TP63: variants seen among roughly 807,000 people sequenced by gnomAD.
TP63 encodes tumor protein 63.
A neutral mutation model predicts 82.8 loss-of-function variants in TP63; 17 were observed. The ratio of observed to expected loss-of-function variants is 0.21; its 90% CI spans 0.14 to 0.31. The LOEUF is 0.31. TP63 is among the 10% of genes least tolerant of loss of function. The pLI is 1.00. For missense variants in TP63, 648 were observed against 895.3 expected, an observed-to-expected ratio of 0.72 and a Z score of 3.52; for synonymous variants, 330 against 321.7, an observed-to-expected ratio of 1.03 and a Z score of -0.28.
chr3:189,890,907 A>C, intron 13 of TP63, 25 bp downstream of exon 13: 18 of 1,601,446 alleles, frequency 1.1e-5, no homozygotes, highest in Non-Finnish European at 1.5e-5. Flanking sequence ...GACTTTTCTC[A>C]AATTTTATTT....
intron 3 of TP63, among the ~76,000 whole-genome samples, chr3:189,806,227 A>G (rs1359202782): frequency 6.6e-6 from 1 of 151,506 alleles, no homozygotes; most frequent in East Asian, 1.9e-4. Context: ...ATCCAAGCCC[A>G]CAATTAGTTA....
chr3:189,707,553 G>A (rs1718295680), intron 1 of TP63, among the ~76,000 whole-genome samples: 1 of 152,026 alleles, frequency 6.6e-6, no homozygotes. Context: ...CAGAGGATAA[G>A]GATATATTTA....
intron 10 of TP63, 139 bp downstream of exon 10, chr3:189,873,134 AAC>A: frequency 7.4e-7 from 1 of 1,355,788 alleles, no homozygotes; most frequent in South Asian, 1.2e-5. Flanking sequence ...CTGGTATGGC[AAC>A]CCTCTTTCAG....
At chr3:189,798,557 T>C (rs1350449274) in intron 3 of TP63, among the ~76,000 whole-genome samples, 3 of 152,132 alleles carry the variant, frequency 2.0e-5, no homozygotes, top group African/African-American at 7.2e-5. Context: ...TAAAAGTGTT[T>C]ACCTGTGTCT....
chr3:189,742,891 G>A (rs1283555467), intron 3 of TP63, among the ~76,000 whole-genome samples: 1 of 152,222 alleles, frequency 6.6e-6, no homozygotes, highest in East Asian at 1.9e-4. Context: ...TGCAGAGAAG[G>A]TAATTTTTTT....
At chr3:189,618,417 A>G in the TP63 span, among the ~76,000 whole-genome samples, 2 of 152,036 alleles carry the variant, frequency 1.3e-5, no homozygotes, top group Non-Finnish European at 2.9e-5. Flanking sequence ...CTGCCACCTT[A>G]TTCTTCCTCT....
chr3:189,860,413 CT>C (rs914038994), intron 4 of TP63, among the ~76,000 whole-genome samples: 1 of 152,000 alleles, frequency 6.6e-6, no homozygotes, highest in African/African-American at 2.4e-5. Context: ...GTGGGCAAGT[CT>C]AAGGACTTGT....
intron 4 of TP63, among the ~76,000 whole-genome samples, chr3:189,831,664 G>A (rs1712357616): frequency 6.6e-6 from 1 of 151,398 alleles, no homozygotes; most frequent in Non-Finnish European, 1.5e-5. Flanking sequence ...CACCGTTTGA[G>A]CTCCTACCCT....
intron 3 of TP63, chr3:189,789,736 G>C (rs1333300460): frequency 3.2e-6 from 5 of 1,542,662 alleles, no homozygotes; most frequent in African/African-American, 1.4e-5. Context: ...TCTCGGGGTG[G>C]GGGGGTTGGC....
Position 189,852,923 on chromosome 3 carries a change from A to G in TP63, c.580-11309A>G, listed in dbSNP as rs145482249. On this transcript the variant is annotated intron_variant, in intron 4 of 13. Transcript: ENST00000264731. ...CTTTTACTGATGATATTCTGTCTTC[A>G]TGGAAAGCCTACTGTTGTCTCCTGG... 5.2e-3 allele frequency among the ~76,000 whole-genome samples: 785 copies of G among 152,284 alleles called. 9 individuals carry two copies. Among genetic ancestry groups the G allele is most frequent in the African/African-American group, 0.017 (725 of 41,544 alleles).
chr3:189,824,811 C>G (rs890351279), intron 4 of TP63, among the ~76,000 whole-genome samples: 2 of 150,370 alleles, frequency 1.3e-5, no homozygotes, highest in East Asian at 3.9e-4. Flanking sequence ...TCAGTGCTGG[C>G]CCAGGCATCG....
rs1049033659 is a variant in TP63, at chr3:189,878,918, G to A, written c.1349+5923G>A. Among the ~76,000 whole-genome samples, 19 of 141,768 alleles carry A rather than the reference G, an allele frequency of 1.3e-4. No individual in the cohort carries two copies. In the East Asian group the frequency reaches 2.3e-3, roughly 17 times the overall value. 93.0% of individuals were successfully genotyped at this position (141,768 alleles called of 152,430 possible). A position where few individuals can be genotyped will look rare whatever the true frequency, so the allele number is the denominator to read the frequency against. On this transcript the variant is annotated intron_variant, in intron 10 of 13. Coordinates refer to ENST00000264731, the MANE Select transcript of TP63 (RefSeq NM_003722.5). ...GCTGGGATTACAGGTGTGAGCCACC[G>A]CGCCCAGCCTACAGTTTACTTTTGA...
the TP63 span, among the ~76,000 whole-genome samples, chr3:189,614,500 G>A: frequency 6.6e-6 from 1 of 152,178 alleles, no homozygotes; most frequent in African/African-American, 2.4e-5. Flanking sequence ...TGTATTGACA[G>A]CACCCCAGGC....
intron 3 of TP63, among the ~76,000 whole-genome samples, chr3:189,748,510 A>T (rs1721552973): frequency 2.3e-5 from 1 of 43,222 alleles, no homozygotes; most frequent in African/African-American, 1.2e-4. Context: ...GAAAACTACA[A>T]AAAAAAAAAA....
At chr3:189,714,985 A>G (rs970606155) in intron 1 of TP63, among the ~76,000 whole-genome samples, 14 of 152,092 alleles carry the variant, frequency 9.2e-5, no homozygotes, top group South Asian at 4.2e-4. Flanking sequence ...TATTTTTCCA[A>G]CCTCCCTTAA....
chr3:189,676,753 G>A lies in TP63; in HGVS notation c.62+45176G>A, dbSNP rs1715433578. On this transcript the variant is annotated intron_variant, in intron 1 of 13. Transcript: ENST00000264731. Reference sequence around the variant, plus strand: ...ACAGACTGGTACCCATCTGTGGCCTGTTAGGAACTGGACCACATAGCAGAG... The same window carrying A: ...ACAGACTGGTACCCATCTGTGGCCTATTAGGAACTGGACCACATAGCAGAG... Among the ~76,000 whole-genome samples the A allele has an allele frequency of 2.0e-5, 3 of 151,964 alleles. 1 individual carries two copies. The South Asian group carries it at 6.2e-4, about 32-fold the overall frequency.
At chr3:189,777,490 C>G (rs1723890493) in intron 3 of TP63, among the ~76,000 whole-genome samples, 1 of 152,100 alleles carries the variant, frequency 6.6e-6, no homozygotes, top group South Asian at 2.1e-4. Context: ...AGCCACCATG[C>G]CTGGCCTCAC....
the TP63 span, among the ~76,000 whole-genome samples, chr3:189,623,670 G>A: frequency 2.0e-5 from 3 of 152,302 alleles, no homozygotes; most frequent in South Asian, 6.2e-4. Flanking sequence ...CCATTAATCA[G>A]CTATCAAATC....
At chr3:189,733,081 A>G (rs1720292514) in intron 1 of TP63, among the ~76,000 whole-genome samples, 2 of 152,148 alleles carry the variant, frequency 1.3e-5, no homozygotes, top group African/African-American at 2.4e-5. Flanking sequence ...GGCTTGTTCA[A>G]GTTTTCACAG....
Sources: gnomAD v4.1 joint callset for allele counts (sites outside exome capture counted in the v4.1 genomes callset) on GRCh38, gnomAD v4.1.1 for gene constraint, MANE v1.5 for transcripts, NCBI Gene and HGNC (gene_info 2026-07-23, HGNC 2026-07-21) for gene names.